Variants in ROBO1 observed in about 807,000 individuals in gnomAD.
The protein encoded by ROBO1 is roundabout homolog 1.
ROBO1 carries 149 observed loss-of-function variants against 195.9 expected under a neutral mutation model. That is an observed-to-expected ratio of 0.76 (90% CI 0.67 to 0.87). ROBO1 has a LOEUF of 0.87. Among genes scored for constraint, ROBO1 ranks in the 40% least tolerant of loss-of-function variants. ROBO1 has a pLI of 0.00. For missense variants in ROBO1, 1,933 were observed against 2,068.3 expected, an observed-to-expected ratio of 0.93 and a Z score of 1.27; for synonymous variants, 816 against 733.2, an observed-to-expected ratio of 1.11 and a Z score of -1.82.
At chr3:79,013,411 T>G (rs191084688) in intron 3 of ROBO1, among the ~76,000 whole-genome samples, 17 of 152,294 alleles carry the variant, frequency 1.1e-4, no homozygotes, top group Non-Finnish European at 2.2e-4. Context: ...ACTGGTTAGA[T>G]GATGTAAAGA....
chr3:78,969,277 G>A (rs2076712759), intron 3 of ROBO1, among the ~76,000 whole-genome samples: 1 of 152,076 alleles, frequency 6.6e-6, no homozygotes, highest in Non-Finnish European at 1.5e-5. Context: ...CTATCAACAT[G>A]GAAGCTCAAA....
At chr3:79,614,457 A>G (rs1214541012) in intron 1 of ROBO1, among the ~76,000 whole-genome samples, 2 of 152,162 alleles carry the variant, frequency 1.3e-5, no homozygotes, top group East Asian at 1.9e-4. Flanking sequence ...TGGAATGCAG[A>G]TAAGTAGCAC....
intron 2 of ROBO1, among the ~76,000 whole-genome samples, chr3:79,170,084 G>T (rs1001220945): frequency 3.9e-5 from 6 of 152,060 alleles, no homozygotes; most frequent in African/African-American, 1.2e-4. Flanking sequence ...TAAGTGCAAG[G>T]CCTGGGTCTT....
intron 8 of ROBO1, among the ~76,000 whole-genome samples, chr3:78,697,317 G>A (rs1047843290): frequency 6.6e-5 from 10 of 152,036 alleles, no homozygotes; most frequent in Admixed American, 5.9e-4. Context: ...CCAGCTGCTT[G>A]TCACATTCAG....
At chr3:78,926,090 C>G (rs1481513785) in intron 4 of ROBO1, among the ~76,000 whole-genome samples, 1 of 151,966 alleles carries the variant, frequency 6.6e-6, no homozygotes, top group Non-Finnish European at 1.5e-5. Flanking sequence ...AGGCTGGTCT[C>G]AAACTCCTGA....
chr3:78,939,984 C>T (rs1366820304), intron 3 of ROBO1, among the ~76,000 whole-genome samples: 2 of 152,006 alleles, frequency 1.3e-5, no homozygotes, highest in East Asian at 3.9e-4. Context: ...GAGATTATAA[C>T]TCAAAAACAG....
intron 2 of ROBO1, among the ~76,000 whole-genome samples, chr3:79,421,587 G>A (rs545424378): frequency 6.6e-6 from 1 of 152,186 alleles, no homozygotes; most frequent in Admixed American, 6.6e-5. Context: ...GCAGCAGTCT[G>A]TTTTCTGCAA....
At position 79,103,347 on chromosome 3, in the gene ROBO1, G is replaced by T. The variant is rs560759043; in HGVS notation, c.172+22109C>A. The stretch of plus-strand genomic sequence containing the variant: ...AAACAGAACTAAGACACCGGTTTTC[G>T]GTCAGCTTTTGCATTATTGACTGAG... On this transcript the variant is annotated intron_variant, in intron 3 of 30. Coordinates refer to ENST00000464233, the MANE Select transcript of ROBO1 (RefSeq NM_002941.4). Among the ~76,000 whole-genome samples, 46 of 151,818 alleles carry T rather than the reference G, an allele frequency of 3.0e-4. No individual in the cohort carries two copies. The South Asian group carries it at 8.1e-3, about 27-fold the overall frequency.
intron 4 of ROBO1, among the ~76,000 whole-genome samples, chr3:78,757,534 C>A (rs911496477): frequency 8.6e-5 from 13 of 151,978 alleles, no homozygotes; most frequent in Non-Finnish European, 1.6e-4. Context: ...AAGGAGTTTT[C>A]AAATTTTACG....
Position 79,696,239 on chromosome 3 carries a change from A to G in ROBO1, c.-51+71513T>C, listed in dbSNP as rs1947444821. On this transcript the variant is annotated intron_variant, in intron 1 of 30. Coordinates refer to ENST00000464233, the MANE Select transcript of ROBO1 (RefSeq NM_002941.4). ...CTTCAGCTGATTCCCAAGTTCTTGCATATTTAATTTCTCTCTTGTTCTGGA... is the reference window on the plus strand; with the variant it reads ...CTTCAGCTGATTCCCAAGTTCTTGCGTATTTAATTTCTCTCTTGTTCTGGA... 4.0e-5 allele frequency among the ~76,000 whole-genome samples: 6 copies of G among 151,512 alleles called. No individual in the cohort carries two copies. In the South Asian group the frequency reaches 1.2e-3, roughly 31 times the overall value.
At chr3:78,656,804 T>G (rs1263882593) in intron 18 of ROBO1, among the ~76,000 whole-genome samples, 1 of 152,194 alleles carries the variant, frequency 6.6e-6, no homozygotes, top group Non-Finnish European at 1.5e-5. Context: ...CATTGAATAT[T>G]GACAACCTTT....
At chr3:78,639,943 A>T (rs928611261) in intron 21 of ROBO1, 45 bp from the exon 22 acceptor site, 51 of 1,404,652 alleles carry the variant, frequency 3.6e-5, no homozygotes, top group Non-Finnish European at 4.4e-5. Flanking sequence ...ATGAATAGAG[A>T]GTAATATTTT....
In ROBO1 at chr3:78,891,187, C is replaced by T. The variant is rs376290848; in HGVS notation, c.499+47414G>A. Among the ~76,000 whole-genome samples the T allele has an allele frequency of 2.6e-5, 4 of 152,156 alleles. No individual in the cohort carries two copies. In the South Asian group the frequency reaches 6.2e-4, roughly 24 times the overall value. ...AGCTTAAATTAGACCACCCCACCTG[C>T]AAGTAATGATTATATACAATGGAAA... On this transcript the variant is annotated intron_variant, in intron 4 of 30. Transcript: ENST00000464233.
chr3:78,682,295 T>C (rs2080935191), intron 10 of ROBO1, among the ~76,000 whole-genome samples: 1 of 151,570 alleles, frequency 6.6e-6, no homozygotes, highest in Non-Finnish European at 1.5e-5. Context: ...GAAATATATA[T>C]ATATTGAAAA....
chr3:78,829,538 T>C (rs1297854866), intron 4 of ROBO1, among the ~76,000 whole-genome samples: 4 of 152,114 alleles, frequency 2.6e-5, no homozygotes, highest in Admixed American at 2.6e-4. Flanking sequence ...TAGTAGCTAA[T>C]AAGAGCTAGT....
intron 2 of ROBO1, among the ~76,000 whole-genome samples, chr3:79,456,759 C>A (rs1215451730): frequency 6.6e-6 from 1 of 151,972 alleles, no homozygotes; most frequent in Non-Finnish European, 1.5e-5. Context: ...TTTTCTTTAG[C>A]GACTTTTAAT....
rs1172370816 is a variant in ROBO1, at chr3:79,557,134, CATTTT to C, written c.88+32685_88+32689del. Among the ~76,000 whole-genome samples, 5 of 151,246 alleles carry C rather than the reference CATTTT, an allele frequency of 3.3e-5. No homozygotes were observed. In the East Asian group the frequency reaches 5.8e-4, roughly 18 times the overall value. ...GAAGTTCCTAGAGTTGAGTTTAAGC[CATTTT>C]ATTTTGTGTTTAAAATTATTAAATT... On this transcript the variant is annotated intron_variant, in intron 2 of 30. Transcript: ENST00000464233.
chr3:79,766,547 G>C (rs1705004491), intron 1 of ROBO1, among the ~76,000 whole-genome samples: 1 of 151,818 alleles, frequency 6.6e-6, no homozygotes, highest in Non-Finnish European at 1.5e-5. Context: ...CGTGGCAACT[G>C]GGCAGAAGCC....
chr3:79,522,760 A>G (rs1467391477), intron 2 of ROBO1, among the ~76,000 whole-genome samples: 2 of 152,192 alleles, frequency 1.3e-5, no homozygotes, highest in African/African-American at 4.8e-5. Flanking sequence ...TCGTGGTTTT[A>G]GAGTTTAAAT....
Sources: gnomAD v4.1 joint callset for allele counts (sites outside exome capture counted in the v4.1 genomes callset) on GRCh38, gnomAD v4.1.1 for gene constraint, MANE v1.5 for transcripts, NCBI Gene and HGNC (gene_info 2026-07-23, HGNC 2026-07-21) for gene names.